Variants in PDE4D observed in about 807,000 individuals in gnomAD.
PDE4D encodes the protein phosphodiesterase 4D.
PDE4D carries 24 observed loss-of-function variants against 87.4 expected under a neutral mutation model. That is an observed-to-expected ratio of 0.27 (90% CI 0.20 to 0.39). The LOEUF (loss-of-function observed/expected upper bound fraction) is 0.39, where lower values mean the gene tolerates loss of function less well. PDE4D is among the 10% of genes least tolerant of loss of function. The probability of loss-of-function intolerance (pLI) is 1.00; values close to 1 mark genes in which losing one functional copy is unlikely to be tolerated. For synonymous variants in PDE4D, 384 were observed against 383.2 expected (o/e 1.00, Z -0.02); for missense variants, 714 against 1,041.0 (o/e 0.69, Z 4.32).
intron 1 of PDE4D, among the ~76,000 whole-genome samples, chr5:59,491,090 A>G (rs1806099612): frequency 6.6e-6 from 1 of 152,236 alleles, no homozygotes; most frequent in South Asian, 2.1e-4. Context: ...TATATTTAAA[A>G]TGATATGAAG....
At chr5:59,422,888 C>G (rs1283447345) in intron 1 of PDE4D, among the ~76,000 whole-genome samples, 1 of 152,040 alleles carries the variant, frequency 6.6e-6, no homozygotes, top group Non-Finnish European at 1.5e-5. Flanking sequence ...TGACCTTTTT[C>G]TTTTTTAAAT....
intron 2 of PDE4D, among the ~76,000 whole-genome samples, chr5:60,065,291 G>A (rs764762900): frequency 1.4e-5 from 2 of 145,888 alleles, no homozygotes; most frequent in African/African-American, 2.5e-5. Context: ...GTGTGTGTGT[G>A]TGTTTGTGCA....
intron 1 of PDE4D, among the ~76,000 whole-genome samples, chr5:59,782,556 G>A (rs1420156781): frequency 1.3e-5 from 2 of 152,078 alleles, no homozygotes; most frequent in Non-Finnish European, 2.9e-5. Flanking sequence ...TATCTCACAG[G>A]CCCATAAATA....
At chr5:60,516,260 G>A (rs1354971516) in intron 1 of PDE4D, among the ~76,000 whole-genome samples, 1 of 152,252 alleles carries the variant, frequency 6.6e-6, no homozygotes, top group Non-Finnish European at 1.5e-5. Flanking sequence ...AGGGCTCAGT[G>A]TCTTTGAAAG....
chr5:59,511,759 G>A (rs1432743046), intron 1 of PDE4D, among the ~76,000 whole-genome samples: 1 of 152,034 alleles, frequency 6.6e-6, no homozygotes, highest in African/African-American at 2.4e-5. Flanking sequence ...AGTACCTGCT[G>A]TATCTTTATA....
intron 2 of PDE4D, among the ~76,000 whole-genome samples, chr5:60,157,223 C>T (rs1190619781): frequency 5.3e-5 from 8 of 152,052 alleles, no homozygotes; most frequent in Non-Finnish European, 1.0e-4. Flanking sequence ...ATTTTTACTT[C>T]TGTTGGTTTT....
chr5:60,236,499 C>T (rs1338659027), intron 1 of PDE4D, among the ~76,000 whole-genome samples: 1 of 151,852 alleles, frequency 6.6e-6, no homozygotes, highest in African/African-American at 2.4e-5. Context: ...AGATGTTCAA[C>T]ATATCTACCT....
intron 1 of PDE4D, among the ~76,000 whole-genome samples, chr5:59,642,610 G>A (rs1015522437): frequency 6.6e-6 from 1 of 152,152 alleles, no homozygotes; most frequent in African/African-American, 2.4e-5. Flanking sequence ...TGTAAGAAGT[G>A]TCTTTCACCT....
chr5:60,502,795 T>C (rs1435198126), intron 1 of PDE4D, among the ~76,000 whole-genome samples: 1 of 152,212 alleles, frequency 6.6e-6, no homozygotes, highest in African/African-American at 2.4e-5. Flanking sequence ...GGATCTCTTG[T>C]AGCCTCTAGC....
At position 60,045,756 on chromosome 5, in the gene PDE4D, A is replaced by G. The variant is rs1420369149; in HGVS notation, c.43-57039T>C. Among the ~76,000 whole-genome samples, 12 of 152,202 alleles carry G rather than the reference A, an allele frequency of 7.9e-5. No homozygotes were observed. The South Asian group carries it at 1.0e-3, about 13-fold the overall frequency. ...TTGGTACCAGTACCATGCTGTTTTC[A>G]TTACTGTAGCCTTGTAGTATAGTTT... On this transcript the variant is annotated intron_variant, in intron 2 of 16. Transcript: ENST00000502484.
At chr5:59,569,894 T>A (rs1351281872) in intron 1 of PDE4D, among the ~76,000 whole-genome samples, 1 of 152,222 alleles carries the variant, frequency 6.6e-6, no homozygotes, top group Non-Finnish European at 1.5e-5. Context: ...GTCAAGTGCA[T>A]TCATTACCTC....
intron 1 of PDE4D, among the ~76,000 whole-genome samples, chr5:60,247,510 C>G (rs1747922492): frequency 1.3e-5 from 2 of 150,552 alleles, no homozygotes; most frequent in African/African-American, 4.9e-5. Context: ...TTATCCAAAG[C>G]TTGTTTGATC....
intron 1 of PDE4D, 64 bp downstream of exon 1, chr5:59,893,104 G>T (rs1243879435): frequency 4.8e-6 from 7 of 1,455,826 alleles, no homozygotes; most frequent in Non-Finnish European, 6.5e-6. Flanking sequence ...GACTTAGATG[G>T]AGTATTTGAG....
At chr5:59,444,276 T>C (rs1798045576) in intron 1 of PDE4D, among the ~76,000 whole-genome samples, 2 of 152,096 alleles carry the variant, frequency 1.3e-5, no homozygotes, top group Admixed American at 6.5e-5. Context: ...TGCTCATAGA[T>C]ATGGAAAAAT....
chr5:60,322,658 A>G (rs75658235), intron 1 of PDE4D, among the ~76,000 whole-genome samples: 4,263 of 152,228 alleles, frequency 0.028, 178 homozygotes, highest in African/African-American at 0.098. Context: ...TCTCTGAAAT[A>G]GCTGTCAGAG....
At chr5:60,257,351 G>A (rs10074696) in intron 1 of PDE4D, among the ~76,000 whole-genome samples, 75,562 of 151,626 alleles carry the variant, frequency 0.5, 19,784 homozygotes, top group African/African-American at 0.62. Context: ...CAAAACTTTC[G>A]CTATTAAGGT....
intron 1 of PDE4D, among the ~76,000 whole-genome samples, chr5:59,363,106 C>G (rs530772312): frequency 2.0e-5 from 3 of 152,076 alleles, no homozygotes; most frequent in Non-Finnish European, 4.4e-5. Context: ...TGATATCAAC[C>G]ACTTATTTGG....
chr5:59,972,792 AT>A (rs1306170643), intron 3 of PDE4D, among the ~76,000 whole-genome samples: 1 of 152,178 alleles, frequency 6.6e-6, no homozygotes, highest in African/African-American at 2.4e-5. Flanking sequence ...AATGCCAGCC[AT>A]TTTTCCACCT....
At chr5:59,273,104 T>C (rs1764141815) in intron 1 of PDE4D, among the ~76,000 whole-genome samples, 1 of 152,122 alleles carries the variant, frequency 6.6e-6, no homozygotes, top group South Asian at 2.1e-4. Context: ...GAGATCAACC[T>C]GGAAACAAAT....
Sources: allele counts gnomAD v4.1 joint callset (sites outside exome capture counted in the v4.1 genomes callset), GRCh38; gene constraint gnomAD v4.1.1; transcripts MANE v1.5; gene names NCBI Gene and HGNC (gene_info 2026-07-23, HGNC 2026-07-21).